GRHPR: variants seen among roughly 807,000 people sequenced by gnomAD.
GRHPR encodes glyoxylate reductase/hydroxypyruvate reductase.
Under a neutral mutation model 36.8 loss-of-function variants are expected in GRHPR, and 35 were observed. That is an observed-to-expected ratio of 0.95 (90% CI 0.73 to 1.26). The LOEUF (loss-of-function observed/expected upper bound fraction) is 1.26, where lower values mean the gene tolerates loss of function less well. GRHPR is among the 50% of genes most tolerant of loss of function. The pLI, the probability that GRHPR is intolerant of heterozygous loss-of-function variation, is 0.00. For missense variants in GRHPR, 380 were observed against 435.0 expected (o/e 0.87, Z 1.12); for synonymous variants, 179 against 181.0 (o/e 0.99, Z 0.09).
rs1410803599 is a variant in GRHPR, at chr9:37,424,994, G to A, written c.214+19G>A. 8 of 1,609,132 alleles carry A rather than the reference G, an allele frequency of 5.0e-6. 1 individual carries two copies. In the African/African-American group the frequency reaches 1.1e-4, roughly 21 times the overall value. The stretch of plus-strand genomic sequence containing the variant: ...GCTGCAGGTGCACACTGGGTGGGCA[G>A]GGGACTTGAGGGTGGCTTGGCCCTG... On this transcript the variant is annotated intron_variant, in intron 2 of 8. Coordinates refer to ENST00000318158, the MANE Select transcript of GRHPR (RefSeq NM_012203.2).
chr9:37,428,660 C>T, intron 5 of GRHPR, 88 bp downstream of exon 5: 1 of 865,130 alleles, frequency 1.2e-6, no homozygotes, highest in South Asian at 1.3e-5. Context: ...GCTGAGAAGA[C>T]CCACATGCTG....
Position 37,425,965 on chromosome 9 carries a change from C to G in GRHPR, c.258C>G (p.Asp86Glu). The G allele has an allele frequency of 6.2e-7, 1 of 1,613,600 alleles. No individual in the cohort carries two copies. The highest frequency in any genetic ancestry group is 1.1e-5 in the South Asian group (1 of 91,074). Residue 86 changes from aspartate to glutamate, a missense_variant, in exon 3 of 9, where the codon GAC becomes GAG. Coordinates refer to ENST00000318158, the MANE Select transcript of GRHPR (RefSeq NM_012203.2). ...TCAGCACCATGTCTGTGGGCATCGACCACTTGGCTTTGGATGAAATCAAGA... is the reference window on the plus strand; with the variant it reads ...TCAGCACCATGTCTGTGGGCATCGAGCACTTGGCTTTGGATGAAATCAAGA... ...KVISTMSVGI[D>E]HLALDEIKKR...
rs550839964 is a variant in GRHPR, at chr9:37,426,802, T to A, written c.404+148T>A. 57 of 609,272 alleles carry A rather than the reference T, an allele frequency of 9.4e-5. 1 individual carries two copies. In the South Asian group the frequency reaches 9.9e-4, roughly 11 times the overall value. The allele number at this position is 609,272 out of a possible 1,614,324, so 37.7% of individuals were successfully genotyped here. A position where few individuals can be genotyped will look rare whatever the true frequency, so the allele number is the denominator to read the frequency against. ...GTCTCTAGTAAAAATACAAAAAAAA[T>A]TAGCTGGGTGTGGTGGTGGGTCCCT... On this transcript the variant is annotated intron_variant, in intron 4 of 8. Coordinates refer to ENST00000318158, the MANE Select transcript of GRHPR (RefSeq NM_012203.2).
intron 7 of GRHPR, chr9:37,430,893 A>G: frequency 1.6e-6 from 1 of 614,926 alleles, no homozygotes; most frequent in Non-Finnish European, 3.1e-6. Context: ...GGGGCCTGGC[A>G]CACAGCAGCG....
intron 3 of GRHPR, chr9:37,426,206 T>A (rs1823068759): frequency 1.6e-6 from 1 of 609,360 alleles, no homozygotes; most frequent in South Asian, 2.0e-5. Context: ...GGTGGCACCC[T>A]TTCACATTCA....
upstream of GRHPR, chr9:37,422,559 T>TA: frequency 1.6e-6 from 1 of 639,870 alleles, no homozygotes; most frequent in Non-Finnish European, 2.8e-6. Context: ...GGGTCACTGT[T>TA]ACTGTCACTC....
chr9:37,433,424 G>A (rs1371110883), intron 8 of GRHPR, among the ~76,000 whole-genome samples: 2 of 151,946 alleles, frequency 1.3e-5, no homozygotes, highest in Admixed American at 1.3e-4. Context: ...AGTAGAGATG[G>A]GGTTTGTCCA....
At position 37,425,979 on chromosome 9, in the gene GRHPR, A is replaced by G. The variant is rs1366409512; in HGVS notation, c.272A>G (p.Asp91Gly). Residue 91 changes from aspartate to glycine, a missense_variant, in exon 3 of 9, where the codon GAT becomes GGT. Transcript: ENST00000318158. ...GTGGGCATCGACCACTTGGCTTTGGATGAAATCAAGAAGCGGTAACTGCAG... is the reference window on the plus strand; with the variant it reads ...GTGGGCATCGACCACTTGGCTTTGGGTGAAATCAAGAAGCGGTAACTGCAG... ...MSVGIDHLAL[D>G]EIKKRGIRVG... 1.9e-6 allele frequency: 3 copies of G among 1,612,320 alleles called. No individual in the cohort carries two copies. The Admixed American group carries it at 5.0e-5, about 27-fold the overall frequency.
intron 8 of GRHPR, among the ~76,000 whole-genome samples, chr9:37,436,300 G>T (rs189912480): frequency 1.9e-4 from 29 of 152,166 alleles, no homozygotes; most frequent in Non-Finnish European, 3.1e-4. Flanking sequence ...TGTAGAGACG[G>T]GGTTTTGCCA....
chr9:37,428,698 A>C, intron 5 of GRHPR, 126 bp downstream of exon 5: 2 of 739,734 alleles, frequency 2.7e-6, no homozygotes, highest in Non-Finnish European at 4.9e-6. Context: ...CAGTAGAGAT[A>C]TCTCTAATGA....
chr9:37,433,711 G>C (rs1823491563), intron 8 of GRHPR: 1 of 176,792 alleles, frequency 5.7e-6, no homozygotes, highest in African/African-American at 2.4e-5. Context: ...TTGTGGTTTG[G>C]GTTTTTGTTA....
intron 8 of GRHPR, among the ~76,000 whole-genome samples, chr9:37,435,914 AG>A (rs1367751477): frequency 2.0e-5 from 3 of 152,194 alleles, no homozygotes; most frequent in Non-Finnish European, 2.9e-5. Context: ...GTGGGACTAC[AG>A]GAATATGCCA....
intron 1 of GRHPR, among the ~76,000 whole-genome samples, chr9:37,424,640 G>C (rs1320207638): frequency 2.6e-5 from 4 of 152,236 alleles, no homozygotes; most frequent in Non-Finnish European, 5.9e-5. Flanking sequence ...TGCAGCTTAG[G>C]CTCTGCTGGG....
chr9:37,433,228 ATTTTTTT>A (rs11345501), intron 8 of GRHPR, among the ~76,000 whole-genome samples: 4 of 97,202 alleles, frequency 4.1e-5, no homozygotes, highest in Non-Finnish European at 8.6e-5. Context: ...TGGTTCTCAC[ATTTTTTT>A]TTTTTTTTTT....
intron 3 of GRHPR, 69 bp downstream of exon 3, chr9:37,426,063 G>T (rs1352094523): frequency 1.8e-6 from 2 of 1,098,592 alleles, no homozygotes; most frequent in African/African-American, 1.5e-5. Flanking sequence ...AAGAGCTGTT[G>T]ATTTGTTTTT....
At chr9:37,430,255 G>A in intron 6 of GRHPR, 3 of 585,074 alleles carry the variant, frequency 5.1e-6, no homozygotes, top group South Asian at 1.9e-5. Context: ...TGAGCAGATG[G>A]CAGGCTGGAT....
intron 8 of GRHPR, among the ~76,000 whole-genome samples, chr9:37,436,160 G>A (rs1351756035): frequency 6.6e-6 from 1 of 152,196 alleles, no homozygotes; most frequent in African/African-American, 2.4e-5. Context: ...CCAGGCTAGA[G>A]TGCAATGGTG....
intron 1 of GRHPR, among the ~76,000 whole-genome samples, chr9:37,424,344 A>G (rs1464254076): frequency 6.6e-6 from 1 of 152,288 alleles, no homozygotes; most frequent in African/African-American, 2.4e-5. Context: ...GGCACCGTGC[A>G]TCACTGGGAC....
chr9:37,436,685 C>A lies in GRHPR; in HGVS notation c.890C>A (p.Ala297Asp), dbSNP rs562262441. The A allele has an allele frequency of 3.1e-6, 5 of 1,613,974 alleles. No homozygotes were observed. The highest frequency in any genetic ancestry group is 2.7e-5 in the African/African-American group (2 of 75,040). The change falls in exon 9 of 9, where the codon GCC (alanine) becomes GAC (aspartate). Residue 297 changes from alanine to aspartate, a missense_variant. Coordinates refer to ENST00000318158, the MANE Select transcript of GRHPR (RefSeq NM_012203.2). ...GTGATTCTGCCCCACATTGGCAGTGCCACCCACAGAACCCGCAACACCATG... is the reference window on the plus strand; with the variant it reads ...GTGATTCTGCCCCACATTGGCAGTGACACCCACAGAACCCGCAACACCATG... ...NCVILPHIGSATHRTRNTMSL... is the reference protein window; with the variant it reads ...NCVILPHIGSDTHRTRNTMSL...
Sources: gnomAD v4.1 joint callset for allele counts (sites outside exome capture counted in the v4.1 genomes callset) on GRCh38, gnomAD v4.1.1 for gene constraint, MANE v1.5 for transcripts, NCBI Gene and HGNC (gene_info 2026-07-23, HGNC 2026-07-21) for gene names.